The following EPHA6 variants were observed in gnomAD, a reference collection of about 807,000 sequenced individuals.
EPHA6 encodes the protein EPH receptor A6, also known as ephrin type-A receptor 6.
Under a neutral mutation model 112.0 loss-of-function variants are expected in EPHA6, and 50 were observed. The ratio of observed to expected loss-of-function variants is 0.45; its 90% CI spans 0.36 to 0.56. The LOEUF is 0.56. Among genes scored for constraint, EPHA6 ranks in the 20% least tolerant of loss-of-function variants. EPHA6 has a pLI of 0.00. For synonymous variants in EPHA6, 529 were observed against 490.7 expected (o/e 1.08, Z -1.03); for missense variants, 1,280 against 1,417.4 (o/e 0.90, Z 1.56).
intron 14 of EPHA6, among the ~76,000 whole-genome samples, chr3:97,640,121 T>C (rs1276634261): frequency 1.3e-5 from 2 of 152,076 alleles, no homozygotes; most frequent in Non-Finnish European, 2.9e-5. Flanking sequence ...AGTGTGGTCA[T>C]GGGGGTCTTA....
At chr3:97,603,464 C>A (rs188187797) in intron 12 of EPHA6, among the ~76,000 whole-genome samples, 90 of 151,938 alleles carry the variant, frequency 5.9e-4, no homozygotes, top group Admixed American at 1.6e-3. Flanking sequence ...ATTTTTTCAG[C>A]ATTTTTCCAA....
At chr3:97,148,998 T>C (rs1042379406) in intron 3 of EPHA6, among the ~76,000 whole-genome samples, 2 of 152,122 alleles carry the variant, frequency 1.3e-5, no homozygotes, top group Non-Finnish European at 2.9e-5. Context: ...GATGGGTTTC[T>C]TTGATGGTTC....
intron 3 of EPHA6, among the ~76,000 whole-genome samples, chr3:97,100,743 T>G (rs1348285235): frequency 6.6e-6 from 1 of 151,996 alleles, no homozygotes; most frequent in Non-Finnish European, 1.5e-5. Context: ...ATTATCAAAG[T>G]GATATACCAA....
rs139253242 is a variant in EPHA6 at position 97,533,930 on chromosome 3, C to G, written c.2386+1387C>G. Among the ~76,000 whole-genome samples, 252 of 152,196 alleles carry G rather than the reference C, an allele frequency of 1.7e-3. 1 individual carries two copies. Among genetic ancestry groups the G allele is most frequent in the Non-Finnish European group, 2.7e-3 (185 of 67,986 alleles). On this transcript the variant is annotated intron_variant, in intron 11 of 17. Transcript: ENST00000389672. ...AGATAGCTATAGCTGTGGTTGACAT[C>G]TTGTGCAGGAAAGGAACCATGCACC...
At chr3:97,322,929 C>T (rs2082189237) in intron 5 of EPHA6, among the ~76,000 whole-genome samples, 1 of 151,978 alleles carries the variant, frequency 6.6e-6, no homozygotes, top group Admixed American at 6.6e-5. Context: ...AATTCCAGCA[C>T]TTACTACTTC....
chr3:97,325,448 G>A (rs1448706269), intron 5 of EPHA6, among the ~76,000 whole-genome samples: 4 of 152,048 alleles, frequency 2.6e-5, no homozygotes, highest in African/African-American at 9.7e-5. Context: ...CAGTGACATT[G>A]GATTAGGGCT....
chr3:97,635,023 T>G (rs949540226), intron 13 of EPHA6, among the ~76,000 whole-genome samples: 1 of 151,978 alleles, frequency 6.6e-6, no homozygotes, highest in African/African-American at 2.4e-5. Context: ...GGTGCTGACT[T>G]GATTCCTGAT....
intron 10 of EPHA6, among the ~76,000 whole-genome samples, chr3:97,499,962 T>C (rs2092075146): frequency 6.6e-6 from 1 of 152,132 alleles, no homozygotes; most frequent in African/African-American, 2.4e-5. Flanking sequence ...TTATAAACTT[T>C]TTAACTTTTT....
rs1463743853 is a variant in EPHA6, at chr3:97,443,320, T to C, written c.1732-5248T>C. 2.4e-5 allele frequency among the ~76,000 whole-genome samples: 3 copies of C among 122,988 alleles called. No homozygotes were observed. The East Asian group carries it at 6.9e-4, about 28-fold the overall frequency. The allele number at this position is 122,988 out of a possible 152,430, so 80.7% of individuals were successfully genotyped here. On this transcript the variant is annotated intron_variant, in intron 6 of 17. Coordinates refer to ENST00000389672, the MANE Select transcript of EPHA6 (RefSeq NM_001080448.3). ...CCTGTAGCTTCAGTCCTCTAGCCAG[T>C]AGAACAAGAGCTTTACCACTGTCTT...
intron 3 of EPHA6, among the ~76,000 whole-genome samples, chr3:97,142,321 AGT>A (rs1394801020): frequency 6.6e-6 from 1 of 152,000 alleles, no homozygotes; most frequent in African/African-American, 2.4e-5. Context: ...AGGCTCAAAG[AGT>A]GTGTTTATGT....
intron 5 of EPHA6, among the ~76,000 whole-genome samples, chr3:97,386,742 G>T (rs1056575209): frequency 2.6e-5 from 4 of 152,314 alleles, no homozygotes; most frequent in Admixed American, 1.3e-4. Context: ...CTGTGTTGGG[G>T]CTCCATCCCA....
At chr3:97,571,907 A>G (rs1022420128) in intron 11 of EPHA6, among the ~76,000 whole-genome samples, 1 of 152,216 alleles carries the variant, frequency 6.6e-6, no homozygotes, top group Non-Finnish European at 1.5e-5. Flanking sequence ...AAGAACCATC[A>G]TTGCAATGTA....
At chr3:97,609,615 T>C (rs2093703283) in intron 12 of EPHA6, among the ~76,000 whole-genome samples, 1 of 151,530 alleles carries the variant, frequency 6.6e-6, no homozygotes, top group South Asian at 2.1e-4. Context: ...CTTTAGCACA[T>C]CTTTATTTAA....
At chr3:97,148,327 G>T (rs2076092164) in intron 3 of EPHA6, among the ~76,000 whole-genome samples, 1 of 151,960 alleles carries the variant, frequency 6.6e-6, no homozygotes, top group Non-Finnish European at 1.5e-5. Flanking sequence ...TTAAAAATTG[G>T]TTGGATGTGG....
At chr3:97,127,957 C>T (rs1448896031) in intron 3 of EPHA6, among the ~76,000 whole-genome samples, 3 of 151,772 alleles carry the variant, frequency 2.0e-5, no homozygotes, top group Non-Finnish European at 4.4e-5. Flanking sequence ...TTTTAGTGCA[C>T]CCATCACCTG....
chr3:97,082,281 C>G (rs759655704), intron 3 of EPHA6, among the ~76,000 whole-genome samples: 2 of 151,694 alleles, frequency 1.3e-5, no homozygotes, highest in Non-Finnish European at 3.0e-5. Flanking sequence ...AAATATAAAA[C>G]TATTACAAAA....
chr3:96,879,409 C>T (rs985553570), intron 2 of EPHA6, among the ~76,000 whole-genome samples: 2 of 151,988 alleles, frequency 1.3e-5, no homozygotes, highest in Non-Finnish European at 2.9e-5. Context: ...AGAATTTGAT[C>T]TCATAGAATT....
intron 2 of EPHA6, among the ~76,000 whole-genome samples, chr3:96,920,719 C>T (rs369014636): frequency 2.3e-4 from 35 of 151,832 alleles, no homozygotes; most frequent in African/African-American, 7.2e-4. Context: ...ATATGTCAAT[C>T]GGTATATTTG....
chr3:96,913,800 A>G (rs920033909), intron 2 of EPHA6, among the ~76,000 whole-genome samples: 4 of 152,188 alleles, frequency 2.6e-5, no homozygotes, highest in African/African-American at 4.8e-5. Flanking sequence ...TTAGCTAAAG[A>G]TAACAAAAAA....
Sources: gnomAD v4.1 joint callset for allele counts (sites outside exome capture counted in the v4.1 genomes callset) on GRCh38, gnomAD v4.1.1 for gene constraint, MANE v1.5 for transcripts, NCBI Gene and HGNC (gene_info 2026-07-23, HGNC 2026-07-21) for gene names.